Variants in SNX6 observed in about 807,000 individuals in gnomAD.
The protein encoded by SNX6 is sorting nexin 6.
In SNX6, 34 loss-of-function variants were observed where a neutral mutation model predicts 63.0. That is an observed-to-expected ratio of 0.54 (90% CI 0.41 to 0.72). SNX6 has a LOEUF of 0.72. Ranked by LOEUF, SNX6 falls within the 30% of genes least tolerant of loss-of-function variation. The pLI is 0.00. For missense variants in SNX6, 398 were observed against 471.4 expected, an observed-to-expected ratio of 0.84 and a Z score of 1.44; for synonymous variants, 170 against 164.2, an observed-to-expected ratio of 1.04 and a Z score of -0.27.
chr14:34,628,576 CTAT>C (rs1883918294), intron 2 of SNX6, among the ~76,000 whole-genome samples: 1 of 152,122 alleles, frequency 6.6e-6, no homozygotes, highest in African/African-American at 2.4e-5. Context: ...CTGCAGTGAG[CTAT>C]AACCATGCCA....
At chr14:34,577,913 G>A (rs1045200641) in intron 10 of SNX6, among the ~76,000 whole-genome samples, 1 of 152,078 alleles carries the variant, frequency 6.6e-6, no homozygotes, top group African/African-American at 2.4e-5. Flanking sequence ...TGTAGAAAAT[G>A]TTAATATTGG....
At chr14:34,581,871 C>A (rs1326501453) in intron 9 of SNX6, among the ~76,000 whole-genome samples, 4 of 152,070 alleles carry the variant, frequency 2.6e-5, no homozygotes, top group Admixed American at 2.6e-4. Context: ...GCTTGTTGCG[C>A]AGAACGGAGT....
At chr14:34,574,902 A>T (rs1387177209) in intron 11 of SNX6, among the ~76,000 whole-genome samples, 2 of 151,096 alleles carry the variant, frequency 1.3e-5, no homozygotes. Context: ...TATTATTATT[A>T]TTTTTTGAGA....
chr14:34,591,852 T>C (rs1882406656), intron 8 of SNX6, among the ~76,000 whole-genome samples: 1 of 152,188 alleles, frequency 6.6e-6, no homozygotes, highest in Admixed American at 6.6e-5. Context: ...ATAAACAGTT[T>C]ATCAGTCATT....
intron 2 of SNX6, 22 bp from the exon 3 acceptor site, chr14:34,609,764 C>A: frequency 6.9e-7 from 1 of 1,451,432 alleles, no homozygotes; most frequent in South Asian, 1.2e-5. Flanking sequence ...AAACCAGTAT[C>A]TTCATGAAAA....
chr14:34,624,441 C>A (rs536019720), intron 2 of SNX6, among the ~76,000 whole-genome samples: 4 of 152,076 alleles, frequency 2.6e-5, no homozygotes, highest in African/African-American at 9.7e-5. Context: ...CTGTTCTAAT[C>A]GAAATATCAT....
At chr14:34,619,378 C>A (rs1395240044) in intron 2 of SNX6, among the ~76,000 whole-genome samples, 1 of 151,876 alleles carries the variant, frequency 6.6e-6, no homozygotes, top group African/African-American at 2.4e-5. Context: ...GCTGATATCG[C>A]ACCACTGCAC....
chr14:34,570,802 C>A (rs1881417995), intron 11 of SNX6, among the ~76,000 whole-genome samples: 2 of 147,576 alleles, frequency 1.4e-5, no homozygotes, highest in South Asian at 4.3e-4. Context: ...TGGTTCACTG[C>A]AAGTTCTGCC....
chr14:34,580,277 G>C (rs1303041539), intron 10 of SNX6, among the ~76,000 whole-genome samples: 2 of 152,184 alleles, frequency 1.3e-5, no homozygotes, highest in Non-Finnish European at 2.9e-5. Flanking sequence ...GGAGGAGACA[G>C]GGCATCTGGG....
chr14:34,586,347 A>AT, intron 8 of SNX6, 42 bp from the exon 9 acceptor site: 1 of 1,288,828 alleles, frequency 7.8e-7, no homozygotes, highest in East Asian at 2.3e-5. Context: ...CTATTCATAG[A>AT]TTTAAAAATA....
intron 9 of SNX6, 141 bp downstream of exon 9, chr14:34,586,089 G>T: frequency 2.5e-6 from 1 of 393,274 alleles, no homozygotes; most frequent in South Asian, 2.9e-5. Flanking sequence ...TTTTAGTAGA[G>T]ACGGGGTTTC....
At chr14:34,578,523 G>C (rs2138285244) in intron 10 of SNX6, among the ~76,000 whole-genome samples, 1 of 151,864 alleles carries the variant, frequency 6.6e-6, no homozygotes, top group South Asian at 2.1e-4. Context: ...CCAGCTACTT[G>C]GGAGGCTGAG....
At chr14:34,605,802 G>A in intron 4 of SNX6, 85 bp from the exon 5 acceptor site, 1 of 1,493,706 alleles carries the variant, frequency 6.7e-7, no homozygotes. Flanking sequence ...GACTGTGTCT[G>A]GGAAAGCTAA....
intron 8 of SNX6, among the ~76,000 whole-genome samples, chr14:34,590,110 CAACAACAAAA>C (rs1424801525): frequency 6.6e-6 from 1 of 151,622 alleles, no homozygotes; most frequent in African/African-American, 2.4e-5. Context: ...GTCTCAACAA[CAACAACAAAA>C]AACAACAACA....
intron 9 of SNX6, among the ~76,000 whole-genome samples, chr14:34,584,939 G>C (rs141336245): frequency 4.6e-5 from 7 of 151,628 alleles, no homozygotes; most frequent in East Asian, 2.0e-4. Context: ...CGCAACCTTC[G>C]TCTCCTGGGT....
At chr14:34,621,791 C>T (rs2138384424) in intron 2 of SNX6, among the ~76,000 whole-genome samples, 1 of 152,238 alleles carries the variant, frequency 6.6e-6, no homozygotes, top group South Asian at 2.1e-4. Flanking sequence ...ACATCCCTTC[C>T]TTCATCCCTC....
intron 2 of SNX6, among the ~76,000 whole-genome samples, chr14:34,625,917 C>G (rs567432610): frequency 3.3e-4 from 50 of 152,046 alleles, no homozygotes; most frequent in African/African-American, 1.2e-3. Flanking sequence ...AATTCTAATG[C>G]AAGTATTTCA....
intron 10 of SNX6, among the ~76,000 whole-genome samples, chr14:34,580,972 T>C (rs1005216591): frequency 6.6e-6 from 1 of 152,010 alleles, no homozygotes; most frequent in African/African-American, 2.4e-5. Flanking sequence ...TGAACTTTCA[T>C]ACAAATACTT....
intron 2 of SNX6, among the ~76,000 whole-genome samples, chr14:34,626,109 T>C (rs1883815200): frequency 1.3e-5 from 2 of 152,118 alleles, no homozygotes; most frequent in Admixed American, 6.6e-5. Context: ...TAATGAAATA[T>C]AAATATAATG....
Sources: allele counts gnomAD v4.1 joint callset (sites outside exome capture counted in the v4.1 genomes callset), GRCh38; gene constraint gnomAD v4.1.1; transcripts MANE v1.5; gene names NCBI Gene and HGNC (gene_info 2026-07-23, HGNC 2026-07-21).